Variants in TTLL5 observed in about 807,000 individuals in gnomAD.
The protein encoded by TTLL5 is tubulin polyglutamylase TTLL5.
In TTLL5, 132 loss-of-function variants were observed where a neutral mutation model predicts 168.4. The ratio of observed to expected loss-of-function variants is 0.78; its 90% CI spans 0.68 to 0.91. The LOEUF (loss-of-function observed/expected upper bound fraction) is 0.91, where lower values mean the gene tolerates loss of function less well. Among genes scored for constraint, TTLL5 ranks in the 40% least tolerant of loss-of-function variants. The probability of loss-of-function intolerance (pLI) is 0.00; values close to 1 mark genes in which losing one functional copy is unlikely to be tolerated. For synonymous variants in TTLL5, 546 were observed against 558.6 expected, an observed-to-expected ratio of 0.98 and a Z score of 0.32; for missense variants, 1,545 against 1,581.5, an observed-to-expected ratio of 0.98 and a Z score of 0.39.
chr14:75,826,728 C>T (rs1399519166), intron 28 of TTLL5, among the ~76,000 whole-genome samples: 1 of 152,138 alleles, frequency 6.6e-6, no homozygotes. Context: ...CATGGTTTTT[C>T]TATCAGCTTC....
At chr14:75,888,835 G>T (rs2359985) in intron 30 of TTLL5, among the ~76,000 whole-genome samples, 3 of 151,968 alleles carry the variant, frequency 2.0e-5, no homozygotes, top group Non-Finnish European at 4.4e-5. Context: ...CTCAGGAGGC[G>T]GAGGCTGGAG....
At chr14:75,792,410 A>AT (rs925354482) in intron 26 of TTLL5, among the ~76,000 whole-genome samples, 9 of 128,772 alleles carry the variant, frequency 7.0e-5, no homozygotes, top group African/African-American at 2.5e-4. Context: ...CTAAAAATAT[A>AT]AAAAAAAAAA....
chr14:75,877,828 T>A (rs955554074), intron 29 of TTLL5, among the ~76,000 whole-genome samples: 4 of 152,226 alleles, frequency 2.6e-5, no homozygotes, highest in Non-Finnish European at 5.9e-5. Context: ...AGTACAGGAC[T>A]CTCAGGGTGC....
chr14:75,822,944 G>C (rs934563494), intron 28 of TTLL5, among the ~76,000 whole-genome samples: 1 of 152,184 alleles, frequency 6.6e-6, no homozygotes, highest in Non-Finnish European at 1.5e-5. Context: ...AGACACTCTG[G>C]AGTTGGACTT....
At chr14:75,733,909 A>G (rs1888718265) in intron 13 of TTLL5, 80 bp from the exon 14 acceptor site, 3 of 1,368,754 alleles carry the variant, frequency 2.2e-6, no homozygotes, top group African/African-American at 2.9e-5. Context: ...AAACTTTGCT[A>G]TATTGGGACC....
chr14:75,785,177 T>A, intron 26 of TTLL5, among the ~76,000 whole-genome samples: 1 of 82,522 alleles, frequency 1.2e-5, no homozygotes, highest in Admixed American at 1.0e-4. Flanking sequence ...GATTTCCTCC[T>A]TTTTTTTTTT....
At chr14:75,771,134 C>G (rs975990225) in intron 20 of TTLL5, among the ~76,000 whole-genome samples, 2 of 152,056 alleles carry the variant, frequency 1.3e-5, no homozygotes, top group African/African-American at 2.4e-5. Flanking sequence ...TTAAAAAGTT[C>G]AAAGAGGGTC....
At chr14:75,748,014 G>A (rs988127177) in intron 17 of TTLL5, among the ~76,000 whole-genome samples, 2 of 152,064 alleles carry the variant, frequency 1.3e-5, no homozygotes, top group African/African-American at 4.8e-5. Context: ...GAGACAGTTG[G>A]GCTCTATTTG....
chr14:75,835,240 A>G (rs1450954601), intron 28 of TTLL5: 1 of 152,248 alleles, frequency 6.6e-6, no homozygotes, highest in Non-Finnish European at 1.5e-5. Flanking sequence ...GAAGGGATCA[A>G]AAGATGCAAG....
At chr14:75,924,775 G>GC (rs1157665309) in intron 31 of TTLL5, among the ~76,000 whole-genome samples, 1 of 151,886 alleles carries the variant, frequency 6.6e-6, no homozygotes, top group Non-Finnish European at 1.5e-5. Flanking sequence ...TGTCATCCCG[G>GC]CCCGCTCTCA....
intron 1 of TTLL5, among the ~76,000 whole-genome samples, chr14:75,662,079 A>G (rs1344268890): frequency 1.3e-5 from 2 of 152,206 alleles, no homozygotes; most frequent in African/African-American, 4.8e-5. Context: ...TTAGAAATGC[A>G]GTGTTGGAAA....
intron 28 of TTLL5, among the ~76,000 whole-genome samples, chr14:75,832,378 C>T (rs1287263256): frequency 1.3e-5 from 2 of 152,178 alleles, no homozygotes; most frequent in African/African-American, 4.8e-5. Context: ...TTGCTGCTTC[C>T]TCTGAACTCC....
At chr14:75,720,530 TG>T in intron 11 of TTLL5, 65 bp from the exon 12 acceptor site, 1 of 1,184,148 alleles carries the variant, frequency 8.4e-7, no homozygotes. Flanking sequence ...TATTGTTATC[TG>T]GAATCCAGTT....
At chr14:75,858,488 A>G (rs1012226751) in intron 28 of TTLL5, among the ~76,000 whole-genome samples, 2 of 152,248 alleles carry the variant, frequency 1.3e-5, no homozygotes, top group African/African-American at 2.4e-5. Flanking sequence ...TTAGTATGTA[A>G]TAGTTGTCTC....
intron 27 of TTLL5, among the ~76,000 whole-genome samples, chr14:75,804,323 A>G (rs937936260): frequency 2.6e-5 from 4 of 152,236 alleles, no homozygotes; most frequent in Non-Finnish European, 4.4e-5. Context: ...TCTCTATACA[A>G]AGGAATTCTT....
intron 28 of TTLL5, among the ~76,000 whole-genome samples, chr14:75,826,721 G>C (rs928593896): frequency 1.3e-4 from 20 of 152,088 alleles, no homozygotes; most frequent in African/African-American, 2.7e-4. Context: ...CTCCTGGCAT[G>C]GTTTTTCTAT....
intron 6 of TTLL5, among the ~76,000 whole-genome samples, chr14:75,695,686 T>C (rs1178338789): frequency 1.3e-5 from 2 of 152,124 alleles, no homozygotes; most frequent in South Asian, 2.1e-4. Context: ...AAAGAACCTA[T>C]GTTGAAATAT....
chr14:75,731,724 T>A (rs1474175761), intron 12 of TTLL5, among the ~76,000 whole-genome samples: 1 of 152,158 alleles, frequency 6.6e-6, no homozygotes, highest in Non-Finnish European at 1.5e-5. Flanking sequence ...TGTCTTTTGG[T>A]TCATGTTGGG....
intron 16 of TTLL5, 88 bp from the exon 17 acceptor site, chr14:75,745,402 T>C (rs1889542024): frequency 4.4e-6 from 6 of 1,372,624 alleles, no homozygotes; most frequent in Non-Finnish European, 5.2e-6. Context: ...TTTCATATTC[T>C]TGGGTCATAA....
Sources: gnomAD v4.1 joint callset for allele counts (sites outside exome capture counted in the v4.1 genomes callset) on GRCh38, gnomAD v4.1.1 for gene constraint, MANE v1.5 for transcripts, NCBI Gene and HGNC (gene_info 2026-07-23, HGNC 2026-07-21) for gene names.